The following KSR1 variants were observed in gnomAD, a reference collection of about 807,000 sequenced individuals.
KSR1 encodes kinase suppressor of ras 1.
In KSR1, 35 loss-of-function variants were observed where a neutral mutation model predicts 92.9. That is an observed-to-expected ratio of 0.38 (90% CI 0.29 to 0.50). The LOEUF (loss-of-function observed/expected upper bound fraction) is 0.50, where lower values mean the gene tolerates loss of function less well. Ranked by LOEUF, KSR1 falls within the 20% of genes least tolerant of loss-of-function variation. The pLI, the probability that KSR1 is intolerant of heterozygous loss-of-function variation, is 0.94. For missense variants in KSR1, 972 were observed against 1,158.5 expected (o/e 0.84, Z 2.34); for synonymous variants, 467 against 472.6 (o/e 0.99, Z 0.15).
chr17:27,511,163 T>G (rs1284442672), intron 1 of KSR1, among the ~76,000 whole-genome samples: 1 of 152,214 alleles, frequency 6.6e-6, no homozygotes, highest in African/African-American at 2.4e-5. Flanking sequence ...TGGCTAGAGA[T>G]TCTAGTGCAT....
intron 16 of KSR1, 42 bp downstream of exon 16, chr17:27,609,371 A>G (rs1298651605): frequency 6.2e-7 from 1 of 1,610,090 alleles, no homozygotes; most frequent in South Asian, 1.1e-5. Context: ...TGGGTGCTGG[A>G]TGGGGAAGAG....
At chr17:27,530,522 G>A (rs1244830961) in intron 1 of KSR1, among the ~76,000 whole-genome samples, 5 of 152,134 alleles carry the variant, frequency 3.3e-5, no homozygotes, top group South Asian at 2.1e-4. Flanking sequence ...TGGGCATGGC[G>A]GCCTGAGCAG....
Position 27,610,342 on chromosome 17 carries a change from C to T in KSR1, c.2357+144C>T, listed in dbSNP as rs947127747. The T allele has an allele frequency of 2.1e-5, 24 of 1,121,912 alleles. No homozygotes were observed. In the Admixed American group the frequency reaches 3.8e-4, roughly 18 times the overall value. The allele number at this position is 1,121,912 out of a possible 1,614,324, so 69.5% of individuals were successfully genotyped here. On this transcript the variant is annotated intron_variant, in intron 17 of 20. Transcript: ENST00000644974. ...AATCAACCTTGAGTCCTGGCTCTGC[C>T]GCTTGTTGAGTGCATGGTCTTGAGT... is the stretch of plus-strand genomic sequence containing the variant.
At chr17:27,540,857 A>C (rs1266857659) in intron 1 of KSR1, among the ~76,000 whole-genome samples, 1 of 152,240 alleles carries the variant, frequency 6.6e-6, no homozygotes, top group Non-Finnish European at 1.5e-5. Context: ...GCCTCCTTAC[A>C]TTCTCAGAAA....
intron 1 of KSR1, among the ~76,000 whole-genome samples, chr17:27,462,147 C>G (rs1328436694): frequency 2.0e-5 from 3 of 152,210 alleles, no homozygotes; most frequent in Admixed American, 6.5e-5. Context: ...GAGCACTCCA[C>G]TAGGCTCTCG....
At position 27,624,040 on chromosome 17, in the gene KSR1, G is replaced by T. The variant is rs1244748673; in HGVS notation, c.*648G>T. 1 of 165,124 alleles carries T rather than the reference G, an allele frequency of 6.1e-6. No individual in the cohort carries two copies. Among genetic ancestry groups the T allele is most frequent in the Non-Finnish European group, 1.3e-5 (1 of 77,226 alleles). The allele number at this position is 165,124 out of a possible 1,614,324, so 10.2% of individuals were successfully genotyped here. On this transcript the variant is annotated 3_prime_UTR_variant, in exon 21 of 21. Coordinates refer to ENST00000644974, the MANE Select transcript of KSR1 (RefSeq NM_001394583.1). The stretch of plus-strand genomic sequence containing the variant: ...CACCCCTGTAATCCAGGCTGCTCCT[G>T]CTGGAAAAGTAGAAACAGAATCCAA...
chr17:27,470,154 C>G (rs1299449472), intron 1 of KSR1, among the ~76,000 whole-genome samples: 1 of 151,170 alleles, frequency 6.6e-6, no homozygotes, highest in Non-Finnish European at 1.5e-5. Flanking sequence ...CTTCCAGATT[C>G]AAGTGATCCT....
chr17:27,557,461 A>G (rs2071645858), intron 2 of KSR1, among the ~76,000 whole-genome samples: 1 of 152,086 alleles, frequency 6.6e-6, no homozygotes, highest in South Asian at 2.1e-4. Context: ...CAGGGAGGTA[A>G]CCCTGCCTCC....
At chr17:27,546,190 T>A (rs1347595880) in intron 1 of KSR1, among the ~76,000 whole-genome samples, 7 of 152,210 alleles carry the variant, frequency 4.6e-5, no homozygotes. Flanking sequence ...TTTCTTCCTC[T>A]GGCACTCCTG....
Position 27,521,212 on chromosome 17 carries a change from C to T in KSR1, c.232-29356C>T, listed in dbSNP as rs2945408. On this transcript the variant is annotated intron_variant, in intron 1 of 20. Coordinates refer to ENST00000644974, the MANE Select transcript of KSR1 (RefSeq NM_001394583.1). Reference sequence around the variant, plus strand: ...ATATGTATACCCGCTCCAAGTGATTCTGATACACAGGGAGGGTGGAAAGCC... The same window carrying T: ...ATATGTATACCCGCTCCAAGTGATTTTGATACACAGGGAGGGTGGAAAGCC... 8.1e-4 allele frequency among the ~76,000 whole-genome samples: 123 copies of T among 152,248 alleles called. 1 individual carries two copies. Among genetic ancestry groups the T allele is most frequent in the African/African-American group, 2.6e-3 (107 of 41,534 alleles).
chr17:27,542,832 A>G (rs1380966766), intron 1 of KSR1, among the ~76,000 whole-genome samples: 4 of 152,204 alleles, frequency 2.6e-5, no homozygotes, highest in South Asian at 2.1e-4. Context: ...CAGCAGTGCT[A>G]TGGGGCATGT....
intron 1 of KSR1, among the ~76,000 whole-genome samples, chr17:27,491,811 T>C (rs984334542): frequency 2.0e-4 from 31 of 152,248 alleles, no homozygotes; most frequent in African/African-American, 7.2e-4. Flanking sequence ...GCAGGAGAGC[T>C]CAGGGGCTCC....
chr17:27,537,772 A>ATG, intron 1 of KSR1, among the ~76,000 whole-genome samples: 1 of 152,348 alleles, frequency 6.6e-6, no homozygotes, highest in South Asian at 2.1e-4. Flanking sequence ...AATGTATAGC[A>ATG]TGATGCCTAG....
At chr17:27,574,930 C>T (rs184321203) in intron 2 of KSR1, among the ~76,000 whole-genome samples, 9 of 152,366 alleles carry the variant, frequency 5.9e-5, no homozygotes, top group Admixed American at 5.9e-4. Context: ...CTCTAGTGCG[C>T]ATCTTACTGC....
Position 27,605,491 on chromosome 17 carries a change from G to T in KSR1, c.1672G>T (p.Asp558Tyr). ...AGAAGACGATGAGGACGAGGTGGACGACTTGCCGAGCTCTCGCCGGCCCTG... is the reference window on the plus strand; with the variant it reads ...AGAAGACGATGAGGACGAGGTGGACTACTTGCCGAGCTCTCGCCGGCCCTG... ...EAEDDEDEVD[D>Y]LPSSRRPWRG... The change falls in exon 14 of 21, where the codon GAC (aspartate) becomes TAC (tyrosine). Residue 558 changes from aspartate to tyrosine, a missense_variant. Asp to Tyr is a radical substitution (Grantham distance 160). Around this residue, in one of 5 missense-constraint regions of KSR1, gnomAD observed 611 missense variants for 668.0 expected, o/e 0.91. Coordinates refer to ENST00000644974, the MANE Select transcript of KSR1 (RefSeq NM_001394583.1). The T allele has an allele frequency of 6.2e-7, 1 of 1,607,210 alleles. No homozygotes were observed. The highest frequency in any genetic ancestry group is 1.1e-5 in the South Asian group (1 of 89,416).
intron 1 of KSR1, among the ~76,000 whole-genome samples, chr17:27,521,693 C>T (rs1328831368): frequency 2.0e-5 from 3 of 151,982 alleles, no homozygotes; most frequent in African/African-American, 7.3e-5. Flanking sequence ...CTTAGGCTCT[C>T]AAAGCGTGGG....
Position 27,501,292 on chromosome 17 carries a change from C to CTTTTTTTTTTTTTTTTTT in KSR1, c.231+44426_231+44443dup. Among the ~76,000 whole-genome samples, 12 of 49,704 alleles carry CTTTTTTTTTTTTTTTTTT rather than the reference C, an allele frequency of 2.4e-4. 1 individual carries two copies. Among genetic ancestry groups the CTTTTTTTTTTTTTTTTTT allele is most frequent in the Admixed American group, 3.8e-4 (1 of 2,652 alleles). 32.6% of individuals were successfully genotyped at this position (49,704 alleles called of 152,430 possible). On this transcript the variant is annotated intron_variant, in intron 1 of 20. Transcript: ENST00000644974. ...TTTTTTTTTTTTAATTTCTTTTCTT[C>CTTTTTTTTTTTTTTTTTT]TTTTTTTTTTTTTTTTTTTTTTTTT...
chr17:27,564,739 CCCCCCCCCCACCT>C (rs947248941), intron 2 of KSR1, among the ~76,000 whole-genome samples: 3 of 126,174 alleles, frequency 2.4e-5, no homozygotes, highest in South Asian at 6.1e-4. Flanking sequence ...ATGGAAGACC[CCCCCCCCCCACCT>C]CCCCCACCCA....
At chr17:27,489,313 T>C (rs992541233) in intron 1 of KSR1, among the ~76,000 whole-genome samples, 8 of 152,240 alleles carry the variant, frequency 5.3e-5, no homozygotes, top group Admixed American at 1.3e-4. Context: ...CCTTTTCTTT[T>C]GATTGTGCAA....
Sources: allele counts gnomAD v4.1 joint callset (sites outside exome capture counted in the v4.1 genomes callset), GRCh38; gene constraint gnomAD v4.1.1; regional missense constraint gnomAD v4.1.1; transcripts MANE v1.5; gene names NCBI Gene and HGNC (gene_info 2026-07-23, HGNC 2026-07-21).